TRPM3: variants seen among roughly 807,000 people sequenced by gnomAD.
The protein encoded by TRPM3 is transient receptor potential cation channel subfamily M member 3.
Under a neutral mutation model 181.2 loss-of-function variants are expected in TRPM3, and 77 were observed. The observed-to-expected ratio is 0.42, with a 90% CI of 0.35 to 0.51. The LOEUF (loss-of-function observed/expected upper bound fraction) is 0.51, where lower values mean the gene tolerates loss of function less well. Among genes scored for constraint, TRPM3 ranks in the 20% least tolerant of loss-of-function variants. The probability of loss-of-function intolerance (pLI) is 0.01; values close to 1 mark genes in which losing one functional copy is unlikely to be tolerated. For missense variants in TRPM3, 1,759 were observed against 2,196.7 expected (o/e 0.80, Z 3.98); for synonymous variants, 745 against 796.4 (o/e 0.94, Z 1.09).
At chr9:70,598,976 C>T (rs182998662) in intron 20 of TRPM3, among the ~76,000 whole-genome samples, 2 of 152,268 alleles carry the variant, frequency 1.3e-5, no homozygotes, top group Admixed American at 1.3e-4. Flanking sequence ...CTGAAGTCTT[C>T]CTTCATCTCA....
At chr9:71,237,069 G>GGAA (rs369179193) in intron 1 of TRPM3, among the ~76,000 whole-genome samples, 1 of 134,170 alleles carries the variant, frequency 7.5e-6, no homozygotes, top group South Asian at 2.3e-4. Context: ...AAGGGGGGGG[G>GGAA]AAAAAAAGAA....
chr9:71,192,748 T>C (rs1004825087), intron 1 of TRPM3, among the ~76,000 whole-genome samples: 1 of 151,906 alleles, frequency 6.6e-6, no homozygotes, highest in Non-Finnish European at 1.5e-5. Flanking sequence ...ATGCATAAAC[T>C]TTTTAGGTTG....
chr9:70,893,893 T>G lies in TRPM3; in HGVS notation c.178-29382A>C, dbSNP rs2096246753. On this transcript the variant is annotated intron_variant, in intron 1 of 25. Transcript: ENST00000677713. ...CAAAACATTCTAAGCCTCTCAGTTA[T>G]TTTAAAAGAAGCTGAAAAAAATGAT... 2.6e-5 allele frequency among the ~76,000 whole-genome samples: 4 copies of G among 152,308 alleles called. No individual in the cohort carries two copies. In the South Asian group the frequency reaches 8.3e-4, roughly 32 times the overall value.
At chr9:71,299,634 T>C (rs2086599582) in intron 1 of TRPM3, among the ~76,000 whole-genome samples, 1 of 152,118 alleles carries the variant, frequency 6.6e-6, no homozygotes, top group Non-Finnish European at 1.5e-5. Flanking sequence ...AATTGTGCAA[T>C]GGTTAGTTAT....
In TRPM3 at chr9:71,204,390, C is replaced by A. The variant is rs1213391464; in HGVS notation, c.183+242263G>T. 2.8e-4 allele frequency among the ~76,000 whole-genome samples: 42 copies of A among 151,730 alleles called. 1 individual carries two copies. In the South Asian group the frequency reaches 6.9e-3, roughly 25 times the overall value. ...AGAAAAAAACAAACAACCCCATGAACAAGTAGGCAAAGGATATGAACAGCC... is the reference window on the plus strand; with the variant it reads ...AGAAAAAAACAAACAACCCCATGAAAAAGTAGGCAAAGGATATGAACAGCC... On this transcript the variant is annotated intron_variant, in intron 1 of 24. Transcript: ENST00000357533.
intron 3 of TRPM3, among the ~76,000 whole-genome samples, chr9:70,861,493 A>G (rs1296094613): frequency 6.6e-6 from 1 of 152,184 alleles, no homozygotes; most frequent in East Asian, 1.9e-4. Flanking sequence ...CATCCTGTGA[A>G]GGCACTGGGT....
chr9:71,409,006 G>C (rs896760794), intron 1 of TRPM3, among the ~76,000 whole-genome samples: 11 of 152,034 alleles, frequency 7.2e-5, no homozygotes, highest in African/African-American at 2.7e-4. Flanking sequence ...GCCAAACTAA[G>C]TAAGCTTCAT....
At chr9:70,980,328 G>A (rs1032363959) in intron 1 of TRPM3, among the ~76,000 whole-genome samples, 3 of 152,024 alleles carry the variant, frequency 2.0e-5, no homozygotes, top group Non-Finnish European at 4.4e-5. Context: ...TAGGATGGGA[G>A]GAGCAGAGGG....
intron 1 of TRPM3, among the ~76,000 whole-genome samples, chr9:71,244,132 A>C (rs1286852327): frequency 6.6e-6 from 1 of 152,204 alleles, no homozygotes; most frequent in African/African-American, 2.4e-5. Context: ...GAACAAGGGC[A>C]TTTAGACAAA....
chr9:70,856,839 G>A (rs2095402700), intron 3 of TRPM3, among the ~76,000 whole-genome samples: 1 of 152,156 alleles, frequency 6.6e-6, no homozygotes, highest in African/African-American at 2.4e-5. Context: ...TTAAATATAA[G>A]TCCTTAATTA....
chr9:71,129,955 C>T (rs1450209768), intron 1 of TRPM3, among the ~76,000 whole-genome samples: 2 of 152,074 alleles, frequency 1.3e-5, no homozygotes, highest in Non-Finnish European at 2.9e-5. Flanking sequence ...TTGGTATGCT[C>T]AATATATAAC....
intron 1 of TRPM3, among the ~76,000 whole-genome samples, chr9:71,307,733 T>G (rs932232011): frequency 6.6e-6 from 1 of 152,278 alleles, no homozygotes; most frequent in Middle Eastern, 3.4e-3. Flanking sequence ...ACTAGAAGTA[T>G]GTCTATTCAT....
intron 1 of TRPM3, among the ~76,000 whole-genome samples, chr9:71,360,451 T>C (rs929573680): frequency 6.6e-6 from 1 of 152,212 alleles, no homozygotes; most frequent in Non-Finnish European, 1.5e-5. Context: ...AAATCAGCTT[T>C]AAAATAAGTC....
chr9:70,561,551 CT>C lies in TRPM3; in HGVS notation c.3224-8242del, dbSNP rs1230383414. Among the ~76,000 whole-genome samples the C allele has an allele frequency of 1.3e-4, 20 of 152,318 alleles. 1 individual carries two copies. The highest frequency in any genetic ancestry group is 3.4e-3 in the Middle Eastern group (1 of 294). On this transcript the variant is annotated intron_variant, in intron 22 of 25. Transcript: ENST00000677713. ...TAATGGACAAGAAGAGCAAAGGTCG[CT>C]GAAAACCAGGCAAGCCCAACTTTCT...
intron 1 of TRPM3, among the ~76,000 whole-genome samples, chr9:71,118,598 A>T (rs1375811907): frequency 6.6e-6 from 1 of 152,094 alleles, no homozygotes; most frequent in Non-Finnish European, 1.5e-5. Flanking sequence ...TCAAGCCATC[A>T]GGACCTACAC....
At chr9:71,252,747 T>C (rs2082420797) in intron 1 of TRPM3, among the ~76,000 whole-genome samples, 2 of 151,926 alleles carry the variant, frequency 1.3e-5, no homozygotes, top group South Asian at 2.1e-4. Context: ...TCATGGCACA[T>C]TGCGGCCTCG....
At chr9:70,997,773 A>C (rs950324149) in intron 1 of TRPM3, among the ~76,000 whole-genome samples, 1 of 152,118 alleles carries the variant, frequency 6.6e-6, no homozygotes, top group African/African-American at 2.4e-5. Context: ...ATTATAATTG[A>C]CTGTGGATTT....
intron 1 of TRPM3, among the ~76,000 whole-genome samples, chr9:71,387,950 AT>A (rs1415020890): frequency 3.9e-5 from 6 of 152,180 alleles, no homozygotes; most frequent in Non-Finnish European, 8.8e-5. Flanking sequence ...TTTCTACATC[AT>A]CTACATTCTC....
At chr9:71,318,550 C>T (rs1168072200) in intron 1 of TRPM3, among the ~76,000 whole-genome samples, 2 of 152,082 alleles carry the variant, frequency 1.3e-5, no homozygotes, top group Admixed American at 1.3e-4. Context: ...AGGAAGGAGA[C>T]CCTCTGTTAT....
Sources: allele counts gnomAD v4.1 joint callset (sites outside exome capture counted in the v4.1 genomes callset), GRCh38; gene constraint gnomAD v4.1.1; transcripts MANE v1.5; gene names NCBI Gene and HGNC (gene_info 2026-07-23, HGNC 2026-07-21).